The following NFX1 variants were observed in gnomAD, a reference collection of about 807,000 sequenced individuals.
NFX1 encodes transcriptional repressor NF-X1.
Under a neutral mutation model 137.2 loss-of-function variants are expected in NFX1, and 69 were observed. That is an observed-to-expected ratio of 0.50 (90% CI 0.41 to 0.61). The LOEUF (loss-of-function observed/expected upper bound fraction) is 0.61. NFX1 is among the 20% of genes least tolerant of loss of function. NFX1 has a pLI of 0.00. For synonymous variants in NFX1, 495 were observed against 474.1 expected, an observed-to-expected ratio of 1.04 and a Z score of -0.57; for missense variants, 1,167 against 1,391.0, an observed-to-expected ratio of 0.84 and a Z score of 2.56.
At chr9:33,356,227 C>T (rs1823805298) in intron 19 of NFX1, among the ~76,000 whole-genome samples, 1 of 152,158 alleles carries the variant, frequency 6.6e-6, no homozygotes, top group African/African-American at 2.4e-5. Context: ...TTCCTGATGA[C>T]TTAAGAGATT....
chr9:33,345,087 G>A (rs565729586), intron 14 of NFX1, among the ~76,000 whole-genome samples: 3 of 152,024 alleles, frequency 2.0e-5, no homozygotes, highest in Admixed American at 6.6e-5. Flanking sequence ...GTTTGAATCC[G>A]GGAGGCAGAG....
chr9:33,331,725 G>A (rs960536763), intron 10 of NFX1, among the ~76,000 whole-genome samples: 1 of 144,180 alleles, frequency 6.9e-6, no homozygotes, highest in Non-Finnish European at 1.5e-5. Context: ...TAATTTTTAC[G>A]AAGAGGGGAC....
At chr9:33,359,578 G>C (rs1027007813) in intron 19 of NFX1, among the ~76,000 whole-genome samples, 1 of 151,552 alleles carries the variant, frequency 6.6e-6, no homozygotes, top group Non-Finnish European at 1.5e-5. Context: ...TAGCCTAGAC[G>C]ATACAGCAAG....
intron 12 of NFX1, among the ~76,000 whole-genome samples, chr9:33,340,758 C>T (rs1194233288): frequency 6.6e-6 from 1 of 152,216 alleles, no homozygotes; most frequent in Non-Finnish European, 1.5e-5. Flanking sequence ...TACCCTTAAT[C>T]ATCTTTCTCA....
At chr9:33,358,092 T>G (rs1363684472) in intron 19 of NFX1, among the ~76,000 whole-genome samples, 1 of 152,154 alleles carries the variant, frequency 6.6e-6, no homozygotes, top group Non-Finnish European at 1.5e-5. Context: ...TGCTTTTTGA[T>G]GCTGCTATAG....
In NFX1 at chr9:33,342,441, G is replaced by A. The variant is rs533290065; in HGVS notation, c.2116-305G>A. Among the ~76,000 whole-genome samples the A allele has an allele frequency of 1.2e-4, 18 of 152,254 alleles. No individual in the cohort carries two copies. In the East Asian group the frequency reaches 2.9e-3, roughly 24 times the overall value. ...TGCTCCACTGCACTCCAGCCTGGGC[G>A]ACAGAGCGAGACTCCATCTCAAAAA... On this transcript the variant is annotated intron_variant, in intron 12 of 23. Coordinates refer to ENST00000379540, the MANE Select transcript of NFX1 (RefSeq NM_002504.6).
At chr9:33,365,427 G>A (rs1220335461) in intron 21 of NFX1, 1 of 152,216 alleles carries the variant, frequency 6.6e-6, no homozygotes, top group Non-Finnish European at 1.5e-5. Context: ...TGGGCAACGT[G>A]GCAAAACCCT....
In NFX1 at chr9:33,295,076, T is replaced by C; in HGVS notation, c.682T>C (p.Leu228=). ...SSEASSRKGV[L]DGYGARRNEQ... ...AGAGGCATCCTCTAGAAAAGGAGTATTGGATGGGTATGGAGCCAGACGAAA... is the reference window on the plus strand; with the variant it reads ...AGAGGCATCCTCTAGAAAAGGAGTACTGGATGGGTATGGAGCCAGACGAAA... Residue 228 remains leucine, a synonymous_variant, in exon 2 of 24, where the codon TTG becomes CTG. Coordinates refer to ENST00000379540, the MANE Select transcript of NFX1 (RefSeq NM_002504.6). 6.2e-7 allele frequency: 1 copy of C among 1,614,010 alleles called. No individual in the cohort carries two copies. The highest frequency in any genetic ancestry group is 8.5e-7 in the Non-Finnish European group (1 of 1,180,014).
At chr9:33,369,838 C>G in intron 23 of NFX1, 68 bp from the exon 24 acceptor site, 1 of 1,113,182 alleles carries the variant, frequency 9.0e-7, no homozygotes, top group Admixed American at 1.9e-5. Flanking sequence ...TGATCCTTAA[C>G]TTTCTGAAGT....
Position 33,295,355 on chromosome 9 carries a change from G to A in NFX1, c.961G>A (p.Asp321Asn), listed in dbSNP as rs1250914553. 6.2e-7 allele frequency: 1 copy of A among 1,614,126 alleles called. No individual in the cohort carries two copies. Among genetic ancestry groups the A allele is most frequent in the Admixed American group, 1.7e-5 (1 of 60,020 alleles). ...AGAGAAATGCACTGTACGGAGGCAGGATCCTCAAGTAGTATCTCCTTTCTC... is the reference window on the plus strand; with the variant it reads ...AGAGAAATGCACTGTACGGAGGCAGAATCCTCAAGTAGTATCTCCTTTCTC... ...DQEKCTVRRQ[D>N]PQVVSPFSRG... Residue 321 changes from aspartate to asparagine, a missense_variant, in exon 2 of 24, where the codon GAT (aspartate) becomes AAT (asparagine). Transcript: ENST00000379540.
chr9:33,352,768 A>G, intron 17 of NFX1, 49 bp downstream of exon 17: 2 of 1,472,230 alleles, frequency 1.4e-6, no homozygotes, highest in Admixed American at 1.7e-5. Flanking sequence ...TGAAACAGAT[A>G]CATGTGTTTT....
At chr9:33,367,253 G>A (rs1162564099) in intron 22 of NFX1, among the ~76,000 whole-genome samples, 4 of 152,182 alleles carry the variant, frequency 2.6e-5, no homozygotes, top group Non-Finnish European at 5.9e-5. Flanking sequence ...GAGGACCTAG[G>A]ATCACTCTCA....
intron 9 of NFX1, among the ~76,000 whole-genome samples, chr9:33,319,549 G>A (rs139879652): frequency 2.1e-3 from 320 of 152,244 alleles, no homozygotes; most frequent in Non-Finnish European, 3.2e-3. Context: ...TCGCTCTGTC[G>A]CCCCAGCTCG....
chr9:33,311,905 C>T (rs1821976691), intron 6 of NFX1, among the ~76,000 whole-genome samples: 1 of 152,082 alleles, frequency 6.6e-6, no homozygotes, highest in Non-Finnish European at 1.5e-5. Context: ...AGGAGTTGAA[C>T]CCAGGCCTAA....
At position 33,366,784 on chromosome 9, in the gene NFX1, T is replaced by C. The variant is rs1412885666; in HGVS notation, c.3185+10T>C. The stretch of plus-strand genomic sequence containing the variant: ...TGGTCACTGCCATCAGGTAGGTCAA[T>C]CCCGCCGTCAGAGGAAGAACTCCTA... On this transcript the variant is annotated intron_variant, in intron 22 of 23. Coordinates refer to ENST00000379540, the MANE Select transcript of NFX1 (RefSeq NM_002504.6). 1 of 1,611,240 alleles carries C rather than the reference T, an allele frequency of 6.2e-7. No homozygotes were observed. Among genetic ancestry groups the C allele is most frequent in the Non-Finnish European group, 8.5e-7 (1 of 1,177,822 alleles).
chr9:33,325,418 CTT>C (rs34095644), intron 9 of NFX1, among the ~76,000 whole-genome samples: 84,191 of 151,780 alleles, frequency 0.55, 24,613 homozygotes, highest in Non-Finnish European at 0.64. Context: ...AATCCCAGCA[CTT>C]TGAGAGGCCG....
At chr9:33,321,958 T>C (rs1256610317) in intron 9 of NFX1, among the ~76,000 whole-genome samples, 2 of 151,866 alleles carry the variant, frequency 1.3e-5, no homozygotes, top group African/African-American at 2.4e-5. Context: ...CCCCACACTT[T>C]GGGATGCTGA....
intron 18 of NFX1, among the ~76,000 whole-genome samples, 165 bp from the exon 19 acceptor site, chr9:33,354,686 G>A (rs1018714752): frequency 6.6e-6 from 1 of 152,198 alleles, no homozygotes; most frequent in Non-Finnish European, 1.5e-5. Flanking sequence ...GTTACTAATG[G>A]AAACTGAAGA....
At chr9:33,357,158 C>T (rs572148174) in intron 19 of NFX1, among the ~76,000 whole-genome samples, 5 of 151,788 alleles carry the variant, frequency 3.3e-5, no homozygotes, top group East Asian at 1.9e-4. Flanking sequence ...AAAAATTAGC[C>T]GGGCATGGTG....
Sources: gnomAD v4.1 joint callset for allele counts (sites outside exome capture counted in the v4.1 genomes callset) on GRCh38, gnomAD v4.1.1 for gene constraint, MANE v1.5 for transcripts, NCBI Gene and HGNC (gene_info 2026-07-23, HGNC 2026-07-21) for gene names.